The following CALCOCO2 variants were observed in gnomAD, a reference collection of about 807,000 sequenced individuals.
The protein encoded by CALCOCO2 is calcium-binding and coiled-coil domain-containing protein 2.
Under a neutral mutation model 62.5 loss-of-function variants are expected in CALCOCO2, and 42 were observed. That is an observed-to-expected ratio of 0.67 (90% confidence interval 0.53 to 0.87). The LOEUF (loss-of-function observed/expected upper bound fraction) is 0.87. Among genes scored for constraint, CALCOCO2 ranks in the 40% least tolerant of loss-of-function variants. CALCOCO2 has a pLI of 0.00. For synonymous variants in CALCOCO2, 167 were observed against 173.0 expected (o/e 0.97, Z 0.27); for missense variants, 456 against 515.0 (o/e 0.89, Z 1.11).
intron 9 of CALCOCO2, 65 bp from the exon 10 acceptor site, chr17:48,856,027 A>G (rs1163881860): frequency 5.3e-6 from 4 of 761,308 alleles, no homozygotes; most frequent in African/African-American, 3.5e-5. Context: ...ATTCTCTACA[A>G]TTTCTCACCT....
At chr17:48,850,839 A>T in intron 5 of CALCOCO2, 1 of 233,162 alleles carries the variant, frequency 4.3e-6, no homozygotes, top group South Asian at 5.7e-5. Flanking sequence ...AATTGCGTGA[A>T]CCCGGGCGAC....
intron 10 of CALCOCO2, chr17:48,856,722 G>T (rs2040220515): frequency 2.4e-6 from 1 of 414,406 alleles, no homozygotes; most frequent in Admixed American, 2.8e-5. Context: ...AGATGATATG[G>T]CAAAAAATAA....
intron 1 of CALCOCO2, chr17:48,831,467 C>G (rs1021801558): frequency 1.3e-5 from 2 of 152,334 alleles, no homozygotes; most frequent in Non-Finnish European, 2.9e-5. Context: ...ATGTCATCGC[C>G]GTTGGCTTCG....
intron 10 of CALCOCO2, among the ~76,000 whole-genome samples, chr17:48,857,293 G>A (rs1371013063): frequency 1.3e-5 from 2 of 150,040 alleles, no homozygotes; most frequent in East Asian, 4.0e-4. Context: ...CACCTTCCGG[G>A]TTCAAGCGAT....
At chr17:48,862,177 G>T in intron 11 of CALCOCO2, 99 bp from the exon 12 acceptor site, 1 of 827,598 alleles carries the variant, frequency 1.2e-6, no homozygotes, top group South Asian at 1.3e-5. Flanking sequence ...TGAGGAGAAA[G>T]GGAACAATGA....
chr17:48,838,744 G>A (rs1041652735), intron 1 of CALCOCO2, among the ~76,000 whole-genome samples: 2 of 152,040 alleles, frequency 1.3e-5, no homozygotes, highest in African/African-American at 4.8e-5. Context: ...ACAATTACAT[G>A]TGTGCCTGTA....
intron 4 of CALCOCO2, chr17:48,848,916 A>T (rs771225651): frequency 5.1e-5 from 24 of 474,134 alleles, no homozygotes; most frequent in Non-Finnish European, 9.5e-5. Context: ...GAACACAATG[A>T]AGAATCAGTT....
At chr17:48,834,106 C>CAAAAAAAAAAAAA (rs59633969) in intron 1 of CALCOCO2, among the ~76,000 whole-genome samples, 3 of 69,788 alleles carry the variant, frequency 4.3e-5, no homozygotes, top group Non-Finnish European at 8.7e-5. Context: ...GACCCTATGT[C>CAAAAAAAAAAAAA]AAAAAAAAAA....
At chr17:48,854,149 C>T (rs2040171257) in intron 9 of CALCOCO2, among the ~76,000 whole-genome samples, 1 of 150,704 alleles carries the variant, frequency 6.6e-6, no homozygotes, top group South Asian at 2.1e-4. Flanking sequence ...AACCCCGTCT[C>T]TACGAAAAAT....
In CALCOCO2 at chr17:48,854,113, C is replaced by G. The variant is rs558825427; in HGVS notation, c.912+1101C>G. 1.1e-4 allele frequency among the ~76,000 whole-genome samples: 16 copies of G among 151,140 alleles called. 1 individual carries two copies. On this transcript the variant is annotated intron_variant, in intron 9 of 12. Transcript: ENST00000258947. ...GGTGGATCACCTGAGGTCAGGAGTTCGAGACCAGCCTGACCAAAATGGAGA... is the reference window on the plus strand; with the variant it reads ...GGTGGATCACCTGAGGTCAGGAGTTGGAGACCAGCCTGACCAAAATGGAGA...
At chr17:48,851,923 G>A (rs529921326) in intron 7 of CALCOCO2, among the ~76,000 whole-genome samples, 1 of 152,142 alleles carries the variant, frequency 6.6e-6, no homozygotes, top group African/African-American at 2.4e-5. Context: ...CCTGAGGTCA[G>A]GAGTTCGAGA....
At chr17:48,835,719 GTTTTTCTTTT>G (rs2039880543) in intron 1 of CALCOCO2, among the ~76,000 whole-genome samples, 1 of 112,590 alleles carries the variant, frequency 8.9e-6, no homozygotes, top group Non-Finnish European at 1.8e-5. Context: ...TAGATTGGTT[GTTTTTCTTTT>G]CTTTTCTTTT....
chr17:48,851,794 T>G (rs752676945), intron 7 of CALCOCO2, 166 bp downstream of exon 7: 16 of 584,126 alleles, frequency 2.7e-5, no homozygotes, highest in Non-Finnish European at 4.4e-5. Context: ...TTGGACCAGG[T>G]AAGCCTCCAC....
At chr17:48,857,386 G>T (rs575028369) in intron 10 of CALCOCO2, among the ~76,000 whole-genome samples, 48 of 150,806 alleles carry the variant, frequency 3.2e-4, no homozygotes, top group African/African-American at 1.1e-3. Context: ...TAGTAGAGAC[G>T]GGGTTTCTCC....
At chr17:48,856,219 A>G (rs761689483) in intron 10 of CALCOCO2, 32 bp downstream of exon 10, 4 of 1,228,534 alleles carry the variant, frequency 3.3e-6, no homozygotes, top group South Asian at 1.2e-5. Context: ...TAAAACCCCA[A>G]GGTTTTAAGG....
At chr17:48,831,407 G>C (rs182871983) in intron 1 of CALCOCO2, 1 of 151,974 alleles carries the variant, frequency 6.6e-6, no homozygotes. Flanking sequence ...GTGGCGTCCC[G>C]TCCCCTCCCG....
intron 2 of CALCOCO2, among the ~76,000 whole-genome samples, chr17:48,845,393 G>C (rs1343656196): frequency 2.6e-4 from 35 of 134,972 alleles, no homozygotes; most frequent in South Asian, 1.4e-3. Context: ...GTGTGTGTGT[G>C]TGTGTGTGTG....
intron 2 of CALCOCO2, 30 bp downstream of exon 2, chr17:48,841,917 A>G (rs1435415610): frequency 1.3e-6 from 2 of 1,490,812 alleles, no homozygotes; most frequent in Admixed American, 3.8e-5. Context: ...CCAAGTGATC[A>G]GGAACTAGAG....
chr17:48,852,866 G>GGTGT, intron 8 of CALCOCO2, 60 bp from the exon 9 acceptor site: 1 of 1,273,332 alleles, frequency 7.9e-7, no homozygotes, highest in Non-Finnish European at 1.1e-6. Context: ...GCCCTTCCAT[G>GGTGT]GTGTGTGTGT....
Sources: gnomAD v4.1 joint callset for allele counts (sites outside exome capture counted in the v4.1 genomes callset) on GRCh38, gnomAD v4.1.1 for gene constraint, MANE v1.5 for transcripts, NCBI Gene and HGNC (gene_info 2026-07-23, HGNC 2026-07-21) for gene names.